Variants in RBL2 observed in about 807,000 individuals in gnomAD.
RBL2 encodes retinoblastoma-like protein 2.
RBL2 carries 56 observed loss-of-function variants against 126.0 expected under a neutral mutation model. The ratio of observed to expected loss-of-function variants is 0.44; its 90% CI spans 0.36 to 0.56. The LOEUF is 0.56. Ranked by LOEUF, RBL2 falls within the 20% of genes least tolerant of loss-of-function variation. The pLI is 0.00. For missense variants in RBL2, 1,229 were observed against 1,398.2 expected (o/e 0.88, Z 1.93); for synonymous variants, 454 against 478.5 (o/e 0.95, Z 0.67).
rs909862344 is a variant in RBL2 at position 53,471,034 on chromosome 16, A to G, written c.2703+112A>G. On this transcript the variant is annotated intron_variant, in intron 17 of 21. Coordinates refer to ENST00000262133, the MANE Select transcript of RBL2 (RefSeq NM_005611.4). ...ATGCTCTATAATTCACCTATTTAAA[A>G]TGCACAACTAAATGGGTCTTAGTAT... 41 of 1,119,884 alleles carry G rather than the reference A, an allele frequency of 3.7e-5. No individual in the cohort carries two copies. In the Admixed American group the frequency reaches 1.0e-3, roughly 28 times the overall value. 69.4% of individuals were successfully genotyped at this position (1,119,884 alleles called of 1,614,324 possible). A position where few individuals can be genotyped will look rare whatever the true frequency, so the allele number is the denominator to read the frequency against.
intron 19 of RBL2, 163 bp from the exon 20 acceptor site, chr16:53,480,404 A>G (rs565930290): frequency 3.1e-6 from 2 of 641,900 alleles, no homozygotes; most frequent in Non-Finnish European, 5.4e-6. Context: ...GAGAAAGTTA[A>G]TATCCTAGCT....
intron 17 of RBL2, among the ~76,000 whole-genome samples, chr16:53,471,213 G>A (rs1296381927): frequency 2.0e-5 from 3 of 152,148 alleles, no homozygotes; most frequent in African/African-American, 7.2e-5. Context: ...TAGCATTTGT[G>A]TTTGGGTTTT....
chr16:53,479,860 G>A (rs1960873236), intron 18 of RBL2, 26 bp from the exon 19 acceptor site: 2 of 1,477,032 alleles, frequency 1.4e-6, no homozygotes, highest in African/African-American at 1.4e-5. Context: ...ACTAGTTTAT[G>A]TCCCCTTCTC....
chr16:53,457,268 T>TTTTTTTTTTTTTTTTTTTTTTTTC (rs2058178412), intron 8 of RBL2, among the ~76,000 whole-genome samples: 1 of 123,624 alleles, frequency 8.1e-6, no homozygotes, highest in Non-Finnish European at 1.7e-5. Flanking sequence ...CTTTTTTTTT[T>TTTTTTTTTTTTTTTTTTTTTTTTC]TTTTTTTTTG....
chr16:53,457,539 G>A (rs997409218), intron 8 of RBL2, among the ~76,000 whole-genome samples: 2 of 152,000 alleles, frequency 1.3e-5, no homozygotes, highest in Non-Finnish European at 2.9e-5. Context: ...GATTATAGGC[G>A]TGAGCCACCA....
At chr16:53,447,777 C>T (rs1439642529) in intron 4 of RBL2, among the ~76,000 whole-genome samples, 3 of 151,472 alleles carry the variant, frequency 2.0e-5, no homozygotes, top group Admixed American at 6.6e-5. Context: ...CCCGAATAGC[C>T]GTGATTACAG....
At chr16:53,479,118 T>A in intron 17 of RBL2, 36 bp from the exon 18 acceptor site, 1 of 1,529,242 alleles carries the variant, frequency 6.5e-7, no homozygotes, top group Non-Finnish European at 9.1e-7. Flanking sequence ...TGGTGGTAGT[T>A]GCCATGTCTC....
At chr16:53,454,588 T>G in intron 7 of RBL2, 68 bp from the exon 8 acceptor site, 1 of 1,342,534 alleles carries the variant, frequency 7.4e-7, no homozygotes, top group South Asian at 1.4e-5. Context: ...AATAAAAAAA[T>G]GAAATAATTA....
At chr16:53,457,324 A>G (rs546917653) in intron 8 of RBL2, among the ~76,000 whole-genome samples, 1 of 138,494 alleles carries the variant, frequency 7.2e-6, no homozygotes, top group Admixed American at 7.6e-5. Flanking sequence ...CAGTGGTGCA[A>G]TCTCGGCTCA....
chr16:53,451,052 T>C (rs2058110122), intron 4 of RBL2, among the ~76,000 whole-genome samples: 1 of 152,242 alleles, frequency 6.6e-6, no homozygotes, highest in South Asian at 2.1e-4. Context: ...AAACAATTTC[T>C]TACAGTTTGA....
At chr16:53,456,590 A>G (rs1019845688) in intron 8 of RBL2, among the ~76,000 whole-genome samples, 2 of 152,186 alleles carry the variant, frequency 1.3e-5, no homozygotes, top group Non-Finnish European at 2.9e-5. Context: ...AGTGCCTGTA[A>G]TGTTGTAAGT....
Position 53,464,303 on chromosome 16 carries a change from T to G in RBL2, c.1638T>G (p.Pro546=), listed in dbSNP as rs2058251146. ...CLEVVTFSYK[P]PGNFPFITEI... is the part of the protein sequence containing the mutation. ...AGGTCGTCACTTTTTCTTATAAGCCTCCTGGGAATTTTCCATTTATTACTG... is the reference window on the plus strand; with the variant it reads ...AGGTCGTCACTTTTTCTTATAAGCCGCCTGGGAATTTTCCATTTATTACTG... The change falls in exon 12 of 22, where the codon CCT becomes CCG. Residue 546 remains proline (P), a synonymous_variant. Coordinates refer to ENST00000262133, the MANE Select transcript of RBL2 (RefSeq NM_005611.4). The G allele has an allele frequency of 6.3e-7, 1 of 1,594,624 alleles. No homozygotes were observed. Among genetic ancestry groups the G allele is most frequent in the South Asian group, 1.1e-5 (1 of 90,462 alleles).
chr16:53,475,741 A>G (rs1457252827), intron 17 of RBL2, among the ~76,000 whole-genome samples: 2 of 150,686 alleles, frequency 1.3e-5, no homozygotes, highest in Non-Finnish European at 2.9e-5. Flanking sequence ...TGTTTAGGTA[A>G]TTAATTTACT....
rs377306058 is a variant in RBL2, at chr16:53,454,819, A to G, written c.1156A>G (p.Ile386Val). 6.2e-7 allele frequency: 1 copy of G among 1,611,624 alleles called. No individual in the cohort carries two copies. Among genetic ancestry groups the G allele is most frequent in the Non-Finnish European group, 8.5e-7 (1 of 1,178,506 alleles). Residue 386 changes from isoleucine to valine, a missense_variant, in exon 8 of 22, where the codon ATC (isoleucine) becomes GTC (valine). By Grantham distance (29) the Ile-to-Val change is conservative (BLOSUM62 3). This residue lies in a region of RBL2 where 1,070 missense variants were observed against 1,274.3 expected (regional missense o/e 0.84). Transcript: ENST00000262133. ...TGCTGAAAGGGTGCAGATGAAAAACATCTTACAGCAGCATTTTGACAAGGT... is the reference window on the plus strand; with the variant it reads ...TGCTGAAAGGGTGCAGATGAAAAACGTCTTACAGCAGCATTTTGACAAGGT... ...ETAERVQMKNILQQHFDKSKA... is the reference protein window; with the variant it reads ...ETAERVQMKNVLQQHFDKSKA...
chr16:53,451,804 A>G lies in RBL2; in HGVS notation c.739A>G (p.Lys247Glu), dbSNP rs1180019190. ...YGNALQCSNR[K>E]ELVNPNFKGL... ...AAATGCACTTCAGTGTTCTAATCGTAAAGAACTTGTGAACCCTAATTTTAA... is the reference window on the plus strand; with the variant it reads ...AAATGCACTTCAGTGTTCTAATCGTGAAGAACTTGTGAACCCTAATTTTAA... The change falls in exon 5 of 22, where the codon AAA becomes GAA. Residue 247 changes from lysine (K) to glutamate (E), a missense_variant. This residue lies in a region of RBL2 where 1,070 missense variants were observed against 1,274.3 expected (regional missense o/e 0.84). Transcript: ENST00000262133. 1.8e-5 allele frequency: 29 copies of G among 1,613,692 alleles called. No homozygotes were observed. Among genetic ancestry groups the G allele is most frequent in the Non-Finnish European group, 2.4e-5 (28 of 1,179,824 alleles).
Position 53,434,729 on chromosome 16 carries a change from TGGACGAGGCGGCGCGGGCCGAGGCCTG to T in RBL2, c.178_204del (p.Glu60_Asp68del), listed in dbSNP as rs764887487. On this transcript the variant is annotated inframe_deletion, in exon 1 of 22. Coordinates refer to ENST00000262133, the MANE Select transcript of RBL2 (RefSeq NM_005611.4). ...GACGAGCTGTGCAGCCGCCTCAACA[TGGACGAGGCGGCGCGGGCCGAGGCCTG>T]GGACAGCTACCGCAGCATGAGCGAA... The T allele has an allele frequency of 1.3e-6, 2 of 1,551,718 alleles. No individual in the cohort carries two copies. Among genetic ancestry groups the T allele is most frequent in the East Asian group, 4.7e-5 (2 of 42,164 alleles).
chr16:53,488,147 C>T (rs1330051162), intron 21 of RBL2: 1 of 152,202 alleles, frequency 6.6e-6, no homozygotes, highest in Admixed American at 6.5e-5. Flanking sequence ...AAGTGGGAAA[C>T]AACCCAAACG....
At chr16:53,442,062 C>G (rs1205944938) in intron 2 of RBL2, among the ~76,000 whole-genome samples, 1 of 152,078 alleles carries the variant, frequency 6.6e-6, no homozygotes, top group Non-Finnish European at 1.5e-5. Context: ...CCTTGTGAAT[C>G]TCCCACCTCG....
At chr16:53,461,587 A>G (rs2058221710) in intron 9 of RBL2, among the ~76,000 whole-genome samples, 154 bp from the exon 10 acceptor site, 1 of 152,114 alleles carries the variant, frequency 6.6e-6, no homozygotes, top group Non-Finnish European at 1.5e-5. Flanking sequence ...ACCTTTGAAA[A>G]GGAAGTATGG....
Sources: gnomAD v4.1 joint callset for allele counts (sites outside exome capture counted in the v4.1 genomes callset) on GRCh38, gnomAD v4.1.1 for gene constraint, gnomAD v4.1.1 regional missense constraint, MANE v1.5 for transcripts, NCBI Gene and HGNC (gene_info 2026-07-23, HGNC 2026-07-21) for gene names.